L3MBTL4: variants seen among roughly 807,000 people sequenced by gnomAD.
L3MBTL4 encodes the protein L3MBTL histone methyl-lysine binding protein 4.
L3MBTL4 carries 70 observed loss-of-function variants against 84.5 expected under a neutral mutation model. The observed-to-expected ratio is 0.83, with a 90% CI of 0.68 to 1.01. The LOEUF (loss-of-function observed/expected upper bound fraction) is 1.01. Ranked by LOEUF, L3MBTL4 falls within the 50% of genes least tolerant of loss-of-function variation. L3MBTL4 has a pLI of 0.00. For missense variants in L3MBTL4, 715 were observed against 754.8 expected (o/e 0.95, Z 0.62); for synonymous variants, 274 against 259.8 (o/e 1.05, Z -0.52).
chr18:6,316,443 A>G (rs1186641574), intron 1 of L3MBTL4, among the ~76,000 whole-genome samples: 1 of 152,158 alleles, frequency 6.6e-6, no homozygotes, highest in Non-Finnish European at 1.5e-5. Context: ...CTTTCAGCAG[A>G]GGCATTAGTG....
intron 13 of L3MBTL4, among the ~76,000 whole-genome samples, chr18:6,149,240 T>C (rs931595051): frequency 2.3e-5 from 3 of 127,752 alleles, no homozygotes; most frequent in African/African-American, 8.9e-5. Context: ...GATGTTCCCC[T>C]TCCTGTGTCC....
chr18:6,219,856 T>C (rs1225293466), intron 10 of L3MBTL4, among the ~76,000 whole-genome samples: 1 of 151,888 alleles, frequency 6.6e-6, no homozygotes, highest in African/African-American at 2.4e-5. Context: ...CTTTACAGGC[T>C]GCAGGGAAGT....
intron 10 of L3MBTL4, among the ~76,000 whole-genome samples, chr18:6,216,494 T>C (rs1411635475): frequency 6.6e-6 from 1 of 152,136 alleles, no homozygotes; most frequent in Non-Finnish European, 1.5e-5. Context: ...ATCAGCTCTA[T>C]TTTTTCTTCT....
intron 16 of L3MBTL4, among the ~76,000 whole-genome samples, chr18:5,994,524 A>G (rs1027211805): frequency 6.6e-6 from 1 of 152,210 alleles, no homozygotes; most frequent in Non-Finnish European, 1.5e-5. Context: ...TGGGGCAGGC[A>G]CAGAGGGGTA....
At chr18:6,264,396 T>C (rs2048538899) in intron 4 of L3MBTL4, among the ~76,000 whole-genome samples, 1 of 152,224 alleles carries the variant, frequency 6.6e-6, no homozygotes, top group Non-Finnish European at 1.5e-5. Context: ...TAAAGTTTTT[T>C]ATAATCTCCT....
intron 4 of L3MBTL4, among the ~76,000 whole-genome samples, chr18:6,281,154 C>T (rs990362471): frequency 4.6e-5 from 7 of 152,054 alleles, no homozygotes; most frequent in Non-Finnish European, 1.0e-4. Flanking sequence ...ACAAAATAGT[C>T]ATATTTAATC....
At chr18:6,163,231 G>T (rs2043429081) in intron 13 of L3MBTL4, among the ~76,000 whole-genome samples, 1 of 138,122 alleles carries the variant, frequency 7.2e-6, no homozygotes, top group African/African-American at 2.7e-5. Context: ...TTGGAGTAGG[G>T]GTGTGTTTGT....
intron 14 of L3MBTL4, among the ~76,000 whole-genome samples, chr18:6,097,890 G>T (rs977140120): frequency 6.6e-6 from 1 of 152,068 alleles, no homozygotes; most frequent in Non-Finnish European, 1.5e-5. Context: ...TTAAACCTAG[G>T]ATGTGAGGCT....
At chr18:6,178,726 C>T (rs545166000) in intron 12 of L3MBTL4, among the ~76,000 whole-genome samples, 2 of 152,040 alleles carry the variant, frequency 1.3e-5, no homozygotes, top group East Asian at 1.9e-4. Flanking sequence ...TATTAAAGAG[C>T]GGTAAGAAAT....
chr18:6,075,433 A>G (rs2057825417), intron 16 of L3MBTL4, among the ~76,000 whole-genome samples: 1 of 152,182 alleles, frequency 6.6e-6, no homozygotes, highest in African/African-American at 2.4e-5. Context: ...ACTGAGCAAT[A>G]GGGAAATGAC....
chr18:6,374,384 A>G (rs2054281775), intron 1 of L3MBTL4: 2 of 154,848 alleles, frequency 1.3e-5, no homozygotes, highest in African/African-American at 4.8e-5. Context: ...CATTTTATCA[A>G]GAGAGCTACA....
At chr18:6,329,451 C>G (rs369819055) in intron 1 of L3MBTL4, among the ~76,000 whole-genome samples, 1 of 152,232 alleles carries the variant, frequency 6.6e-6, no homozygotes, top group East Asian at 1.9e-4. Context: ...CCGCACCCAG[C>G]CTTCTGTTTC....
intron 14 of L3MBTL4, among the ~76,000 whole-genome samples, chr18:6,105,971 C>T (rs976002152): frequency 1.3e-5 from 2 of 152,074 alleles, no homozygotes; most frequent in Non-Finnish European, 1.5e-5. Flanking sequence ...GGTCATAGTG[C>T]CATAGTTTTT....
intron 1 of L3MBTL4, among the ~76,000 whole-genome samples, chr18:6,322,598 A>G (rs539970112): frequency 1.3e-5 from 2 of 152,284 alleles, no homozygotes; most frequent in African/African-American, 4.8e-5. Flanking sequence ...AAGATTTGGA[A>G]GCAACCTAAG....
At chr18:6,338,149 C>G (rs1012185520) in intron 1 of L3MBTL4, among the ~76,000 whole-genome samples, 3 of 148,868 alleles carry the variant, frequency 2.0e-5, no homozygotes, top group African/African-American at 7.4e-5. Flanking sequence ...CAGAACCATA[C>G]TAAAAGAAGA....
intron 16 of L3MBTL4, among the ~76,000 whole-genome samples, chr18:6,026,666 C>T (rs948225): frequency 0.25 from 37,370 of 152,084 alleles, 5,424 homozygotes; most frequent in African/African-American, 0.39. Flanking sequence ...CACTGAGTAA[C>T]ACTATCAACA....
At chr18:6,131,263 G>A (rs1380870731) in intron 14 of L3MBTL4, among the ~76,000 whole-genome samples, 2 of 152,170 alleles carry the variant, frequency 1.3e-5, no homozygotes, top group African/African-American at 4.8e-5. Flanking sequence ...AAAAGCAGCT[G>A]AAATTGCCAC....
chr18:6,294,582 A>G (rs1284655256), intron 4 of L3MBTL4, among the ~76,000 whole-genome samples: 1 of 152,254 alleles, frequency 6.6e-6, no homozygotes, highest in East Asian at 1.9e-4. Flanking sequence ...ATGTTTACTC[A>G]GCAGGAGACG....
intron 1 of L3MBTL4, among the ~76,000 whole-genome samples, chr18:6,391,628 G>T (rs2055053530): frequency 6.6e-6 from 1 of 152,112 alleles, no homozygotes; most frequent in African/African-American, 2.4e-5. Context: ...AGCAAATTTG[G>T]TAAAGTCTCA....
Sources: gnomAD v4.1 joint callset for allele counts (sites outside exome capture counted in the v4.1 genomes callset) on GRCh38, gnomAD v4.1.1 for gene constraint, MANE v1.5 for transcripts, NCBI Gene and HGNC (gene_info 2026-07-23, HGNC 2026-07-21) for gene names.